Variants in C1orf105 observed in about 807,000 individuals in gnomAD.
C1orf105 encodes chromosome 1 open reading frame 105.
A neutral mutation model predicts 20.8 loss-of-function variants in C1orf105; 17 were observed. The observed-to-expected ratio is 0.82, with a 90% confidence interval of 0.56 to 1.23. The LOEUF (loss-of-function observed/expected upper bound fraction) is 1.23, where lower values mean the gene tolerates loss of function less well. Ranked by LOEUF, C1orf105 falls within the 50% of genes most tolerant of loss-of-function variation. The pLI is 0.00. For synonymous variants in C1orf105, 72 were observed against 72.1 expected, an observed-to-expected ratio of 1.00 and a Z score of 0.01; for missense variants, 219 against 213.5, an observed-to-expected ratio of 1.03 and a Z score of -0.16.
At chr1:172,434,279 C>T (rs188654808) in intron 1 of C1orf105, among the ~76,000 whole-genome samples, 1 of 152,318 alleles carries the variant, frequency 6.6e-6, no homozygotes, top group Non-Finnish European at 1.5e-5. Flanking sequence ...AAACTCTCCA[C>T]CCCACATCAA....
chr1:172,450,650 G>A (rs963457259), intron 3 of C1orf105, among the ~76,000 whole-genome samples: 1 of 152,188 alleles, frequency 6.6e-6, no homozygotes. Context: ...CCTGCCACCT[G>A]GCTGCGTTCC....
intron 3 of C1orf105, chr1:172,452,720 G>C (rs1465880116): frequency 1.1e-5 from 10 of 944,064 alleles, no homozygotes; most frequent in African/African-American, 1.8e-5. Context: ...TCTGGGGACT[G>C]GCTGAAATCT....
intron 1 of C1orf105, among the ~76,000 whole-genome samples, chr1:172,434,558 G>C (rs2149163388): frequency 6.6e-6 from 1 of 152,294 alleles, no homozygotes; most frequent in East Asian, 1.9e-4. Context: ...AAACCAATGA[G>C]AACAAAGACA....
intron 1 of C1orf105, among the ~76,000 whole-genome samples, chr1:172,433,835 C>T (rs1163689289): frequency 1.3e-5 from 2 of 152,186 alleles, no homozygotes; most frequent in Non-Finnish European, 2.9e-5. Context: ...CAAGACCCAT[C>T]AGTGTGCTGT....
chr1:172,454,524 C>G (rs1649021466), intron 3 of C1orf105, among the ~76,000 whole-genome samples: 1 of 151,990 alleles, frequency 6.6e-6, no homozygotes, highest in South Asian at 2.1e-4. Flanking sequence ...CATTTCCTCT[C>G]TAGTCTCTCT....
At chr1:172,456,573 T>C in intron 4 of C1orf105, 84 bp downstream of exon 4, 2 of 1,359,488 alleles carry the variant, frequency 1.5e-6, no homozygotes, top group Non-Finnish European at 2.1e-6. Flanking sequence ...TGGGGAGAGA[T>C]AGTGACGGGG....
rs372067021 is a variant in C1orf105 at position 172,462,043 on chromosome 1, G to A, written c.274-135G>A. 1.8e-5 allele frequency: 12 copies of A among 671,068 alleles called. No individual in the cohort carries two copies. The East Asian group carries it at 1.8e-4, about 10-fold the overall frequency. 41.6% of individuals were successfully genotyped at this position (671,068 alleles called of 1,614,324 possible). A position where few individuals can be genotyped will look rare whatever the true frequency, so the allele number is the denominator to read the frequency against. On this transcript the variant is annotated intron_variant, in intron 4 of 6. Coordinates refer to ENST00000367727, the MANE Select transcript of C1orf105 (RefSeq NM_139240.4). Reference sequence around the variant, plus strand: ...ACTTGAGGGAAGGGTGAAACCCTCTGGTCATTCACATCACAAAAGGATGTA... The same window carrying A: ...ACTTGAGGGAAGGGTGAAACCCTCTAGTCATTCACATCACAAAAGGATGTA...
chr1:172,461,475 T>C (rs1649690456), intron 4 of C1orf105, among the ~76,000 whole-genome samples: 1 of 152,168 alleles, frequency 6.6e-6, no homozygotes, highest in Non-Finnish European at 1.5e-5. Flanking sequence ...AACGGAAAAA[T>C]GCTTCCTAGT....
At position 172,441,811 on chromosome 1, in the gene C1orf105, C is replaced by T. The variant is rs370905635; in HGVS notation, c.22-3262C>T. The T allele has an allele frequency of 8.4e-5, 136 of 1,611,710 alleles. No homozygotes were observed. The highest frequency in any genetic ancestry group is 4.9e-4 in the Admixed American group (29 of 59,578). On this transcript the variant is annotated intron_variant, in intron 1 of 6. Coordinates refer to ENST00000367727, the MANE Select transcript of C1orf105 (RefSeq NM_139240.4). ...AATGTTTTCTTTAAAAAGCTGCAAG[C>T]GAATGAGGTAGAATGGACACAGACA...
At chr1:172,444,980 C>G (rs761913505) in intron 1 of C1orf105, 93 bp from the exon 2 acceptor site, 28 of 980,670 alleles carry the variant, frequency 2.9e-5, no homozygotes, top group South Asian at 2.3e-4. Context: ...AAAGTGTTCA[C>G]TATATGGCTG....
At chr1:172,431,418 T>C (rs2149161160) in intron 1 of C1orf105, 1 of 227,028 alleles carries the variant, frequency 4.4e-6, no homozygotes, top group Admixed American at 5.7e-5. Flanking sequence ...AACAAGGCGC[T>C]AACTCTTCTC....
At chr1:172,437,591 G>T (rs2072079346) in intron 1 of C1orf105, among the ~76,000 whole-genome samples, 1 of 112,222 alleles carries the variant, frequency 8.9e-6, no homozygotes, top group South Asian at 4.1e-4. Context: ...CCGGGGGGTG[G>T]GGGGAGGGGG....
At chr1:172,438,340 AGAG>A (rs1183546265) in intron 1 of C1orf105, among the ~76,000 whole-genome samples, 5 of 152,216 alleles carry the variant, frequency 3.3e-5, no homozygotes, top group African/African-American at 9.6e-5. Context: ...GTAACTTGTG[AGAG>A]GAGGTCAAAA....
At chr1:172,437,493 C>T (rs542602092) in intron 1 of C1orf105, among the ~76,000 whole-genome samples, 6 of 148,224 alleles carry the variant, frequency 4.0e-5, no homozygotes, top group African/African-American at 1.2e-4. Context: ...GGACAGAAAA[C>T]CGAACACCAC....
chr1:172,458,501 C>T (rs1558143304), intron 4 of C1orf105, among the ~76,000 whole-genome samples: 1 of 151,962 alleles, frequency 6.6e-6, no homozygotes, highest in Non-Finnish European at 1.5e-5. Context: ...ACGAGAAGCA[C>T]AAGAGCTATA....
rs1478920121 is a variant in C1orf105, at chr1:172,445,177, A to T, written c.107+19A>T. On this transcript the variant is annotated intron_variant, in intron 2 of 6. Transcript: ENST00000367727. ...CCAGAAGGTAACCTCTCAGCCACCG[A>T]GGGCAAAAGTTTTACGAAACATCTC... The T allele has an allele frequency of 3.1e-6, 5 of 1,588,182 alleles. No individual in the cohort carries two copies. The highest frequency in any genetic ancestry group is 1.7e-6 in the Non-Finnish European group (2 of 1,161,956).
intron 5 of C1orf105, 94 bp downstream of exon 5, chr1:172,462,339 T>C (rs998170385): frequency 1.1e-6 from 1 of 904,776 alleles, no homozygotes; most frequent in African/African-American, 1.8e-5. Flanking sequence ...GAGGAATGTT[T>C]AAGGAATGCT....
intron 1 of C1orf105, chr1:172,443,151 T>C (rs942706232): frequency 5.9e-6 from 1 of 168,566 alleles, no homozygotes; most frequent in Non-Finnish European, 1.4e-5. Context: ...CTTAAGTAAC[T>C]TTGCCCTAAG....
At chr1:172,424,685 C>G (rs964898850) in intron 1 of C1orf105, among the ~76,000 whole-genome samples, 1 of 152,184 alleles carries the variant, frequency 6.6e-6, no homozygotes, top group Non-Finnish European at 1.5e-5. Flanking sequence ...GCCACCGTGC[C>G]CGGCCTCCTT....
Sources: allele counts gnomAD v4.1 joint callset (sites outside exome capture counted in the v4.1 genomes callset), GRCh38; gene constraint gnomAD v4.1.1; transcripts MANE v1.5; gene names NCBI Gene and HGNC (gene_info 2026-07-23, HGNC 2026-07-21).